Variants in ATP2A2 observed in about 807,000 individuals in gnomAD.
The protein encoded by ATP2A2 is sarcoplasmic/endoplasmic reticulum calcium ATPase 2.
Under a neutral mutation model 109.3 loss-of-function variants are expected in ATP2A2, and 14 were observed. The observed-to-expected ratio is 0.13, with a 90% CI of 0.08 to 0.20. ATP2A2 has a LOEUF of 0.20. Among genes scored for constraint, ATP2A2 ranks in the 10% least tolerant of loss-of-function variants. The pLI is 1.00. For missense variants in ATP2A2, 657 were observed against 1,321.6 expected, an observed-to-expected ratio of 0.50 and a Z score of 7.80; for synonymous variants, 506 against 490.9, an observed-to-expected ratio of 1.03 and a Z score of -0.41.
At chr12:110,302,467 G>C (rs1425163026) in intron 5 of ATP2A2, among the ~76,000 whole-genome samples, 2 of 152,012 alleles carry the variant, frequency 1.3e-5, no homozygotes, top group African/African-American at 2.4e-5. Context: ...TGCTGATTCT[G>C]GTAGTTATTT....
chr12:110,326,866 C>G (rs1422848093), intron 7 of ATP2A2, among the ~76,000 whole-genome samples: 2 of 152,122 alleles, frequency 1.3e-5, no homozygotes, highest in Non-Finnish European at 2.9e-5. Flanking sequence ...CATGGCAAAC[C>G]ATTAATAATG....
intron 5 of ATP2A2, among the ~76,000 whole-genome samples, chr12:110,306,513 T>C (rs1461622010): frequency 7.2e-5 from 11 of 152,150 alleles, no homozygotes; most frequent in Admixed American, 5.9e-4. Flanking sequence ...CTCGCCCCTC[T>C]TTCCCTCCCA....
Position 110,339,259 on chromosome 12 carries a change from T to C in ATP2A2, c.1420-22T>C. On this transcript the variant is annotated intron_variant, in intron 11 of 19. Transcript: ENST00000539276. The surrounding 1 kb of genome is among the most constrained non-coding windows in gnomAD (Gnocchi z 4.4). ...GTTCAGAAATTGCCACCCAGTAGTATCCATATTTGTTCCCTTTGTAGGTCA... is the reference window on the plus strand; with the variant it reads ...GTTCAGAAATTGCCACCCAGTAGTACCCATATTTGTTCCCTTTGTAGGTCA... 3 of 1,613,638 alleles carry C rather than the reference T, an allele frequency of 1.9e-6. No individual in the cohort carries two copies. Among genetic ancestry groups the C allele is most frequent in the Non-Finnish European group, 2.5e-6 (3 of 1,179,958 alleles).
chr12:110,338,551 T>C (rs866544834), intron 11 of ATP2A2, among the ~76,000 whole-genome samples: 13 of 152,194 alleles, frequency 8.5e-5, no homozygotes, highest in African/African-American at 2.9e-4. Context: ...TCTGCCCCCC[T>C]GGCTTTAAGC....
At chr12:110,303,624 A>G (rs992464257) in intron 5 of ATP2A2, among the ~76,000 whole-genome samples, 1 of 151,968 alleles carries the variant, frequency 6.6e-6, no homozygotes, top group African/African-American at 2.4e-5. Context: ...GTTGGCCAGG[A>G]TGGTCTCAAG....
rs1481921526 is a variant in ATP2A2 at position 110,339,212 on chromosome 12, TTACTGC to T, written c.1420-67_1420-62del. The T allele has an allele frequency of 1.3e-6, 2 of 1,592,996 alleles. No homozygotes were observed. Among genetic ancestry groups the T allele is most frequent in the Non-Finnish European group, 1.7e-6 (2 of 1,163,598 alleles). ...AGCATCTGTCATGTAATAGGTGTGCTTACTGCTTGTTAGGTAAAAAAGTTCAGAAAT... is the reference window on the plus strand; with the variant it reads ...AGCATCTGTCATGTAATAGGTGTGCTTTGTTAGGTAAAAAAGTTCAGAAAT... On this transcript the variant is annotated intron_variant, in intron 11 of 19. Transcript: ENST00000539276. This position sits in a 1 kb window ranked among gnomAD's most constrained non-coding sequence, Gnocchi z 4.4.
rs1364418794 is a variant in ATP2A2, at chr12:110,339,392, A to G, written c.1531A>G (p.Met511Val). 6.2e-7 allele frequency: 1 copy of G among 1,614,192 alleles called. No homozygotes were observed. Among genetic ancestry groups the G allele is most frequent in the South Asian group, 1.1e-5 (1 of 91,062 alleles). The change falls in exon 12 of 20, where the codon ATG becomes GTG. Residue 511 changes from methionine to valine, a missense_variant. Coordinates refer to ENST00000539276, the MANE Select transcript of ATP2A2 (RefSeq NM_170665.4). This position sits in a 1 kb window ranked among gnomAD's most constrained non-coding sequence, Gnocchi z 4.4. ...NKPSRTSMSK[M>V]FVKGAPEGVI... ...ACCAAGCAGGACATCAATGAGCAAG[A>G]TGTTTGTGAAGGCAAGTATGGCAGA... is the stretch of plus-strand genomic sequence containing the variant.
At chr12:110,343,500 T>C (rs1178540974) in intron 16 of ATP2A2, 66 bp downstream of exon 16, 1 of 1,569,716 alleles carries the variant, frequency 6.4e-7, no homozygotes, top group African/African-American at 1.4e-5. Flanking sequence ...ATTTTGTAAA[T>C]TCATCCCTTA....
Position 110,346,334 on chromosome 12 carries a change from T to A in ATP2A2, c.2993T>A (p.Val998Glu). 7 of 1,614,186 alleles carry A rather than the reference T, an allele frequency of 4.3e-6. No individual in the cohort carries two copies. The highest frequency in any genetic ancestry group is 5.9e-6 in the Non-Finnish European group (7 of 1,180,030). ...TACCTGGAACCTGGTAAAGAGTGTGTGCAGCCTGCCACCAAATCCTGCTCG... is the reference window on the plus strand; with the variant it reads ...TACCTGGAACCTGGTAAAGAGTGTGAGCAGCCTGCCACCAAATCCTGCTCG... ...RNYLEPGKECVQPATKSCSFS... is the reference protein window; with the variant it reads ...RNYLEPGKECEQPATKSCSFS... Residue 998 changes from valine to glutamate, a missense_variant, in exon 20 of 20, where the codon GTG becomes GAG. Transcript: ENST00000539276.
Position 110,343,346 on chromosome 12 carries a change from T to C in ATP2A2, c.2433T>C (p.Pro811=). Reference sequence around the variant, plus strand: ...CCACTGCACTGGGGTTCAACCCTCCTGATCTGGACATCATGAATAAACCTC... The same window carrying C: ...CCACTGCACTGGGGTTCAACCCTCCCGATCTGGACATCATGAATAAACCTC... ...LPATALGFNP[P]DLDIMNKPPR... Residue 811 remains proline, a synonymous_variant, in exon 16 of 20, where the codon CCT becomes CCC. Coordinates refer to ENST00000539276, the MANE Select transcript of ATP2A2 (RefSeq NM_170665.4). 6.2e-7 allele frequency: 1 copy of C among 1,614,224 alleles called. No individual in the cohort carries two copies. The highest frequency in any genetic ancestry group is 8.5e-7 in the Non-Finnish European group (1 of 1,180,028).
At chr12:110,310,412 C>T (rs931055797) in intron 5 of ATP2A2, among the ~76,000 whole-genome samples, 2 of 152,188 alleles carry the variant, frequency 1.3e-5, no homozygotes, top group African/African-American at 4.8e-5. Context: ...AGGCATGAGC[C>T]ACCATTCCCA....
chr12:110,345,970 G>A (rs994234549), intron 18 of ATP2A2, 31 bp from the exon 19 acceptor site: 3 of 1,606,772 alleles, frequency 1.9e-6, no homozygotes, highest in Middle Eastern at 3.3e-4. Context: ...TGCCTTGGGG[G>A]TGCGTTTCCC....
chr12:110,332,632 T>C lies in ATP2A2; in HGVS notation c.1131T>C (p.Cys377=). 1 of 1,613,814 alleles carries C rather than the reference T, an allele frequency of 6.2e-7. No individual in the cohort carries two copies. Among genetic ancestry groups the C allele is most frequent in the Non-Finnish European group, 8.5e-7 (1 of 1,179,666 alleles). ...FILDRVEGDT[C]SLNEFTITGS... ...TGGACAGAGTGGAAGGTGATACTTG[T>C]TCCCTTAATGAGTTTACCATAACTG... is the stretch of plus-strand genomic sequence containing the variant. The change falls in exon 9 of 20, where the codon TGT becomes TGC. Residue 377 remains cysteine (C), a synonymous_variant. Coordinates refer to ENST00000539276, the MANE Select transcript of ATP2A2 (RefSeq NM_170665.4).
intron 5 of ATP2A2, among the ~76,000 whole-genome samples, chr12:110,301,271 C>T (rs1050012305): frequency 1.3e-5 from 2 of 152,178 alleles, no homozygotes; most frequent in African/African-American, 4.8e-5. Flanking sequence ...TGGTAGACAG[C>T]TTCAGAGGAA....
intron 5 of ATP2A2, among the ~76,000 whole-genome samples, chr12:110,297,450 A>C (rs1392136188): frequency 6.6e-6 from 1 of 151,702 alleles, no homozygotes; most frequent in Non-Finnish European, 1.5e-5. Context: ...AAAAAAAAAA[A>C]AACAGTATGC....
Position 110,348,275 on chromosome 12 carries a change from T to A in ATP2A2, c.*1805T>A. On this transcript the variant is annotated 3_prime_UTR_variant, in exon 20 of 20. Coordinates refer to ENST00000539276, the MANE Select transcript of ATP2A2 (RefSeq NM_170665.4). ...CACTTCCCCACTCCCCCACCCCCCC[T>A]TGCTTGGTCTTGTCCTTGGTGGCTA... is the stretch of plus-strand genomic sequence containing the variant. 3.5e-6 allele frequency: 3 copies of A among 855,886 alleles called. No individual in the cohort carries two copies. The highest frequency in any genetic ancestry group is 4.2e-6 in the Non-Finnish European group (3 of 715,168). 53.0% of individuals were successfully genotyped at this position (855,886 alleles called of 1,614,324 possible). A position where few individuals can be genotyped will look rare whatever the true frequency, so the allele number is the denominator to read the frequency against.
intron 8 of ATP2A2, chr12:110,331,050 CCTGA>C (rs991522628): frequency 1.3e-5 from 2 of 151,922 alleles, no homozygotes; most frequent in African/African-American, 2.4e-5. Flanking sequence ...TCGAGACCAG[CCTGA>C]CTAACATGGT....
At chr12:110,334,205 T>C in intron 11 of ATP2A2, 62 bp downstream of exon 11, 1 of 1,586,282 alleles carries the variant, frequency 6.3e-7, no homozygotes, top group Non-Finnish European at 8.6e-7. Flanking sequence ...ATATACTTAG[T>C]GTCTGCACTG....
intron 3 of ATP2A2, among the ~76,000 whole-genome samples, chr12:110,289,853 T>C (rs1350587400): frequency 6.6e-6 from 1 of 152,248 alleles, no homozygotes; most frequent in Non-Finnish European, 1.5e-5. Context: ...AGACCACTCT[T>C]TACCATATTC....
Sources: gnomAD v4.1 joint callset for allele counts (sites outside exome capture counted in the v4.1 genomes callset) on GRCh38, gnomAD v4.1.1 for gene constraint, Gnocchi (gnomAD v3.1) non-coding constraint, MANE v1.5 for transcripts, NCBI Gene and HGNC (gene_info 2026-07-23, HGNC 2026-07-21) for gene names.